The following RALGPS2 variants were observed in gnomAD, a reference collection of about 807,000 sequenced individuals.
RALGPS2 encodes Ral GEF with PH domain and SH3 binding motif 2.
A neutral mutation model predicts 86.8 loss-of-function variants in RALGPS2; 43 were observed. The ratio of observed to expected loss-of-function variants is 0.50; its 90% CI spans 0.39 to 0.64. RALGPS2 has a LOEUF of 0.64. Among genes scored for constraint, RALGPS2 ranks in the 30% least tolerant of loss-of-function variants. RALGPS2 has a pLI of 0.00. For synonymous variants in RALGPS2, 243 were observed against 231.3 expected (o/e 1.05, Z -0.46); for missense variants, 536 against 694.6 (o/e 0.77, Z 2.57).
chr1:178,803,019 T>C (rs1046032644), intron 4 of RALGPS2, among the ~76,000 whole-genome samples: 1 of 152,182 alleles, frequency 6.6e-6, no homozygotes. Flanking sequence ...AAACCCATGT[T>C]GTTCAAGGGT....
At chr1:178,907,977 G>T (rs1363222065) in intron 19 of RALGPS2, among the ~76,000 whole-genome samples, 1 of 152,118 alleles carries the variant, frequency 6.6e-6, no homozygotes, top group East Asian at 1.9e-4. Context: ...TACTTGTGCA[G>T]GTTTGTTACA....
At chr1:178,796,285 A>G (rs1174635439) in intron 4 of RALGPS2, among the ~76,000 whole-genome samples, 1 of 152,132 alleles carries the variant, frequency 6.6e-6, no homozygotes, top group Non-Finnish European at 1.5e-5. Flanking sequence ...AAGGGTTTAT[A>G]TATATATATC....
intron 7 of RALGPS2, among the ~76,000 whole-genome samples, chr1:178,826,897 AAG>A: frequency 6.6e-6 from 1 of 152,214 alleles, no homozygotes; most frequent in Non-Finnish European, 1.5e-5. Context: ...GTCATTAACA[AAG>A]AACTAAATAG....
In RALGPS2 at chr1:178,906,820, T is replaced by C. The variant is rs1660405802; in HGVS notation, c.1675T>C (p.Leu559=). The C allele has an allele frequency of 6.2e-7, 1 of 1,612,538 alleles. No homozygotes were observed. Among genetic ancestry groups the C allele is most frequent in the Non-Finnish European group, 8.5e-7 (1 of 1,179,524 alleles). Residue 559 remains leucine (L), a synonymous_variant, in exon 19 of 20, where the codon TTA becomes CTA. Coordinates refer to ENST00000367635, the MANE Select transcript of RALGPS2 (RefSeq NM_152663.5). ...AGCTGGCAATAGAATGAATGCAATG[T>C]TATGGTTTAAGCATTTGAGTGCAGC... ...FQAGNRMNAM[L]WFKHLSAACQ...
At chr1:178,896,483 T>G (rs1158473679) in intron 16 of RALGPS2, among the ~76,000 whole-genome samples, 2 of 150,968 alleles carry the variant, frequency 1.3e-5, no homozygotes, top group African/African-American at 4.9e-5. Flanking sequence ...TTTTTTTTAT[T>G]ATACTTTAAG....
chr1:178,864,338 C>T (rs1212156974), intron 8 of RALGPS2, among the ~76,000 whole-genome samples: 1 of 151,902 alleles, frequency 6.6e-6, no homozygotes, highest in African/African-American at 2.4e-5. Flanking sequence ...ATTGTTTAGC[C>T]TTGGAAAATA....
At chr1:178,829,573 G>A (rs966720921) in intron 7 of RALGPS2, among the ~76,000 whole-genome samples, 36 of 152,222 alleles carry the variant, frequency 2.4e-4, no homozygotes, top group Middle Eastern at 3.4e-3. Flanking sequence ...CATGTTCATG[G>A]AAAAATTGTC....
At chr1:178,871,827 C>T (rs1264535124) in intron 8 of RALGPS2, among the ~76,000 whole-genome samples, 2 of 152,228 alleles carry the variant, frequency 1.3e-5, no homozygotes, top group Non-Finnish European at 2.9e-5. Context: ...GAAGCTCTGA[C>T]TCTATGCCAG....
intron 7 of RALGPS2, among the ~76,000 whole-genome samples, chr1:178,824,095 T>G (rs533001341): frequency 6.6e-6 from 1 of 152,296 alleles, no homozygotes; most frequent in South Asian, 2.1e-4. Flanking sequence ...CTTTGTCAAA[T>G]GCTACTAATA....
At chr1:178,743,459 G>C (rs1651140401) in intron 1 of RALGPS2, among the ~76,000 whole-genome samples, 1 of 152,132 alleles carries the variant, frequency 6.6e-6, no homozygotes, top group Non-Finnish European at 1.5e-5. Flanking sequence ...GATGTAAAAT[G>C]AAAGCAATTA....
chr1:178,898,642 A>G (rs562356912), intron 17 of RALGPS2, among the ~76,000 whole-genome samples: 13 of 152,042 alleles, frequency 8.6e-5, no homozygotes, highest in East Asian at 1.9e-4. Context: ...GCTTTTCTTC[A>G]TAGTGTTAGC....
intron 8 of RALGPS2, among the ~76,000 whole-genome samples, chr1:178,846,511 A>G (rs995485778): frequency 6.6e-6 from 1 of 152,086 alleles, no homozygotes; most frequent in Non-Finnish European, 1.5e-5. Context: ...CCTCATTTAT[A>G]TATTTTTTTA....
chr1:178,845,901 C>A (rs896627232), intron 8 of RALGPS2, among the ~76,000 whole-genome samples: 6 of 152,172 alleles, frequency 3.9e-5, no homozygotes, highest in African/African-American at 1.4e-4. Flanking sequence ...AGATGCATAT[C>A]ATTGCCTTGT....
chr1:178,856,198 G>GATATATATATATATAT (rs1232946834), intron 8 of RALGPS2, among the ~76,000 whole-genome samples: 7 of 47,266 alleles, frequency 1.5e-4, no homozygotes, highest in African/African-American at 4.3e-4. Flanking sequence ...TCCAGAGAGA[G>GATATATATATATATAT]AGAGATATAT....
chr1:178,797,901 G>T (rs1020330498), intron 4 of RALGPS2, among the ~76,000 whole-genome samples: 1 of 140,840 alleles, frequency 7.1e-6, no homozygotes. Context: ...TCTTCATCTT[G>T]TTGAACTGTG....
intron 1 of RALGPS2, 85 bp downstream of exon 1, chr1:178,725,504 T>TGGC (rs981518290): frequency 6.9e-6 from 1 of 145,122 alleles, no homozygotes; most frequent in African/African-American, 2.6e-5. Flanking sequence ...GCGCGGGGAA[T>TGGC]GGCGGCGGCG....
At chr1:178,804,182 C>T (rs967551055) in intron 4 of RALGPS2, among the ~76,000 whole-genome samples, 1 of 150,364 alleles carries the variant, frequency 6.7e-6, no homozygotes, top group African/African-American at 2.4e-5. Flanking sequence ...AAAATCCTAA[C>T]TCAGTTATTC....
intron 1 of RALGPS2, among the ~76,000 whole-genome samples, chr1:178,770,163 C>G (rs1014320458): frequency 6.6e-6 from 1 of 151,924 alleles, no homozygotes; most frequent in Non-Finnish European, 1.5e-5. Flanking sequence ...ACTACAGGTG[C>G]ACACCACCAT....
intron 8 of RALGPS2, among the ~76,000 whole-genome samples, chr1:178,856,196 G>GATATAT (rs1449088390): frequency 2.9e-4 from 12 of 41,050 alleles, no homozygotes; most frequent in African/African-American, 7.2e-4. Context: ...TTTCCAGAGA[G>GATATAT]AGAGAGATAT....
Sources: allele counts gnomAD v4.1 joint callset (sites outside exome capture counted in the v4.1 genomes callset), GRCh38; gene constraint gnomAD v4.1.1; transcripts MANE v1.5; gene names NCBI Gene and HGNC (gene_info 2026-07-23, HGNC 2026-07-21).